GDAP1: variants seen among roughly 807,000 people sequenced by gnomAD.
GDAP1 encodes the protein ganglioside-induced differentiation-associated protein 1.
A neutral mutation model predicts 40.1 loss-of-function variants in GDAP1; 34 were observed. The ratio of observed to expected loss-of-function variants is 0.85; its 90% CI spans 0.64 to 1.13. GDAP1 has a LOEUF of 1.13. GDAP1 is among the 50% of genes most tolerant of loss of function. The pLI is 0.00. For missense variants in GDAP1, 374 were observed against 433.7 expected (o/e 0.86, Z 1.22); for synonymous variants, 170 against 157.4 (o/e 1.08, Z -0.60).
In GDAP1 at chr8:74,382,140, A is replaced by G. The variant is rs370234771; in HGVS notation, c.165+30819A>G. Reference sequence around the variant, plus strand: ...CATATTTCAATCTGTTGCCTTTATTATTTTATGGATGCGCAAATTGTCCTA... The same window carrying G: ...CATATTTCAATCTGTTGCCTTTATTGTTTTATGGATGCGCAAATTGTCCTA... On this transcript the variant is annotated intron_variant, in intron 2 of 2. Coordinates refer to the GDAP1 transcript ENST00000523640. Among the ~76,000 whole-genome samples, 229 of 152,118 alleles carry G rather than the reference A, an allele frequency of 1.5e-3. 1 individual carries two copies. Among genetic ancestry groups the G allele is most frequent in the Non-Finnish European group, 2.9e-3 (198 of 67,988 alleles).
intron 2 of GDAP1, among the ~76,000 whole-genome samples, chr8:74,473,970 C>T (rs1459388906): frequency 6.6e-6 from 1 of 152,054 alleles, no homozygotes; most frequent in African/African-American, 2.4e-5. Flanking sequence ...TTTGTTTCAC[C>T]TCTGTTTCCT....
chr8:74,437,839 G>A (rs1360786067), intron 2 of GDAP1, among the ~76,000 whole-genome samples: 1 of 152,026 alleles, frequency 6.6e-6, no homozygotes, highest in Admixed American at 6.6e-5. Context: ...GAATATACTC[G>A]AATATATCTA....
At chr8:74,423,085 A>G (rs947472882) in intron 2 of GDAP1, among the ~76,000 whole-genome samples, 2 of 147,934 alleles carry the variant, frequency 1.4e-5, no homozygotes, top group African/African-American at 4.9e-5. Context: ...TATATTATAA[A>G]ATAGAGAATT....
At chr8:74,465,777 GT>G (rs34707830) in intron 2 of GDAP1, among the ~76,000 whole-genome samples, 84,342 of 145,286 alleles carry the variant, frequency 0.58, 24,095 homozygotes, top group South Asian at 0.7. Flanking sequence ...ATCACACCAA[GT>G]TTTTTTTTTT....
At chr8:74,402,174 A>G (rs1329671745) in intron 2 of GDAP1, among the ~76,000 whole-genome samples, 2 of 150,592 alleles carry the variant, frequency 1.3e-5, no homozygotes, top group African/African-American at 2.5e-5. Context: ...CTACAGAGGC[A>G]GGCAGGCCTC....
At position 74,364,509 on chromosome 8, in the gene GDAP1, A is replaced by G; in HGVS notation, c.*142A>G. ...AGAAGTCATCTTTGTTACACAACAC[A>G]GGGGTTCAGGTAGCAATAGGACACA... On this transcript the variant is annotated 3_prime_UTR_variant, in exon 6 of 6. Coordinates refer to ENST00000220822, the MANE Select transcript of GDAP1 (RefSeq NM_018972.4). 1 of 859,706 alleles carries G rather than the reference A, an allele frequency of 1.2e-6. No homozygotes were observed. The highest frequency in any genetic ancestry group is 1.9e-6 in the Non-Finnish European group (1 of 519,976). The allele number at this position is 859,706 out of a possible 1,614,324, so 53.3% of individuals were successfully genotyped here.
chr8:74,396,170 C>T (rs989580518), intron 2 of GDAP1, among the ~76,000 whole-genome samples: 1 of 151,970 alleles, frequency 6.6e-6, no homozygotes, highest in Non-Finnish European at 1.5e-5. Context: ...ACTGGAAACA[C>T]CTCCTCCCTT....
chr8:74,411,891 AT>A (rs1272709548), intron 2 of GDAP1, among the ~76,000 whole-genome samples: 2 of 149,706 alleles, frequency 1.3e-5, no homozygotes, highest in Admixed American at 1.3e-4. Context: ...CAAAAAAAAA[AT>A]AATAATAACT....
intron 2 of GDAP1, among the ~76,000 whole-genome samples, chr8:74,440,580 C>T: frequency 6.9e-6 from 1 of 145,536 alleles, no homozygotes; most frequent in Admixed American, 7.2e-5. Context: ...GCTATTTCTG[C>T]TGAATTATTG....
At position 74,365,344 on chromosome 8, in the gene GDAP1, A is replaced by G. The variant is rs1435679475; in HGVS notation, c.*977A>G. The G allele has an allele frequency of 2.2e-6, 1 of 454,056 alleles. No individual in the cohort carries two copies. The highest frequency in any genetic ancestry group is 2.3e-5 in the Admixed American group (1 of 42,568). The allele number at this position is 454,056 out of a possible 1,614,324, so 28.1% of individuals were successfully genotyped here. ...TTAGCACTTGGCAGTTAATCTAGGG[A>G]AGATGAATTAAATGGGTAGATAGTG... On this transcript the variant is annotated 3_prime_UTR_variant, in exon 6 of 6. Transcript: ENST00000220822.
chr8:74,444,930 T>G (rs965075355), intron 2 of GDAP1, among the ~76,000 whole-genome samples: 1 of 152,244 alleles, frequency 6.6e-6, no homozygotes, highest in African/African-American at 2.4e-5. Context: ...ATTTGCTATT[T>G]TTAGTCAAAG....
chr8:74,445,192 G>A (rs1019716668), intron 2 of GDAP1, among the ~76,000 whole-genome samples: 1 of 152,156 alleles, frequency 6.6e-6, no homozygotes, highest in Non-Finnish European at 1.5e-5. Flanking sequence ...AAAGATATCT[G>A]TATCATGCTT....
chr8:74,477,131 A>G (rs943261908), intron 2 of GDAP1, among the ~76,000 whole-genome samples: 7 of 152,148 alleles, frequency 4.6e-5, no homozygotes, highest in African/African-American at 1.7e-4. Flanking sequence ...TTTCAGCTCT[A>G]TCAAGTCAGT....
chr8:74,464,599 G>A (rs562191978), intron 2 of GDAP1, among the ~76,000 whole-genome samples: 2 of 152,212 alleles, frequency 1.3e-5, no homozygotes, highest in African/African-American at 4.8e-5. Flanking sequence ...CTGAATGCTG[G>A]TTTTATAACA....
At chr8:74,412,725 T>TA (rs1805729421) in intron 2 of GDAP1, among the ~76,000 whole-genome samples, 1 of 149,698 alleles carries the variant, frequency 6.7e-6, no homozygotes. Flanking sequence ...AATAAACACT[T>TA]AAACATTTTA....
At chr8:74,399,623 T>A (rs1036603719) in intron 2 of GDAP1, among the ~76,000 whole-genome samples, 3 of 137,196 alleles carry the variant, frequency 2.2e-5, no homozygotes, top group East Asian at 2.0e-4. Context: ...GCTTTTCTAG[T>A]TCTTTTAATT....
intron 2 of GDAP1, among the ~76,000 whole-genome samples, chr8:74,387,550 A>G (rs1306450693): frequency 6.6e-6 from 1 of 152,218 alleles, no homozygotes; most frequent in African/African-American, 2.4e-5. Context: ...CATGGTGGAT[A>G]AGCTTTCTGA....
intron 2 of GDAP1, among the ~76,000 whole-genome samples, chr8:74,441,596 G>T (rs571384732): frequency 6.6e-6 from 1 of 152,272 alleles, no homozygotes; most frequent in East Asian, 1.9e-4. Flanking sequence ...CATAAACTTT[G>T]TAAGAGTTCT....
At chr8:74,446,809 A>C (rs1806235437) in intron 2 of GDAP1, among the ~76,000 whole-genome samples, 1 of 152,174 alleles carries the variant, frequency 6.6e-6, no homozygotes, top group Admixed American at 6.6e-5. Flanking sequence ...TCAGACATAA[A>C]AGACCGTGTA....
Sources: allele counts gnomAD v4.1 joint callset (sites outside exome capture counted in the v4.1 genomes callset), GRCh38; gene constraint gnomAD v4.1.1; transcripts MANE v1.5; gene names NCBI Gene and HGNC (gene_info 2026-07-23, HGNC 2026-07-21).